Variants in CCZ1B observed in about 807,000 individuals in gnomAD.
The protein encoded by CCZ1B is vacuolar fusion protein CCZ1 homolog B.
Under a neutral mutation model 58.8 loss-of-function variants are expected in CCZ1B, and 25 were observed. That is an observed-to-expected ratio of 0.43 (90% CI 0.31 to 0.59). The LOEUF is 0.59. Ranked by LOEUF, CCZ1B falls within the 20% of genes least tolerant of loss-of-function variation. The pLI, the probability that CCZ1B is intolerant of heterozygous loss-of-function variation, is 0.12. For missense variants in CCZ1B, 180 were observed against 501.5 expected, an observed-to-expected ratio of 0.36 and a Z score of 6.12; for synonymous variants, 66 against 173.2, an observed-to-expected ratio of 0.38 and a Z score of 4.86.
intron 7 of CCZ1B, among the ~76,000 whole-genome samples, chr7:6,815,151 A>AT (rs201412009): frequency 1.4e-5 from 2 of 143,792 alleles, no homozygotes; most frequent in Admixed American, 1.5e-4. Context: ...CTCATTTTTT[A>AT]TTAAAAAAAA....
At chr7:6,804,070 A>G (rs1248300881) in intron 12 of CCZ1B, among the ~76,000 whole-genome samples, 2 of 150,838 alleles carry the variant, frequency 1.3e-5, no homozygotes, top group East Asian at 3.9e-4. Flanking sequence ...CAGGACTTCA[A>G]CTTCGCAAAG....
At chr7:6,811,367 G>C (rs1173148411) in intron 10 of CCZ1B, among the ~76,000 whole-genome samples, 3 of 142,528 alleles carry the variant, frequency 2.1e-5, no homozygotes, top group African/African-American at 8.2e-5. Context: ...GACACATCCC[G>C]CTCCTTCCTG....
At chr7:6,818,441 T>C (rs1783041975) in intron 7 of CCZ1B, among the ~76,000 whole-genome samples, 2 of 148,448 alleles carry the variant, frequency 1.3e-5, no homozygotes, top group African/African-American at 5.1e-5. Context: ...CCCAGCTACC[T>C]GGGAGGCTGA....
At chr7:6,824,983 TAAGAAG>T (rs3216989) in intron 1 of CCZ1B, among the ~76,000 whole-genome samples, 1 of 149,338 alleles carries the variant, frequency 6.7e-6, no homozygotes, top group Non-Finnish European at 1.5e-5. Flanking sequence ...TTATTTAAAA[TAAGAAG>T]AAGAACAGGA....
Position 6,817,871 on chromosome 7 carries a change from G to GTAC in CCZ1B, c.698+1892_698+1894dup, listed in dbSNP as rs552756772. On this transcript the variant is annotated intron_variant, in intron 7 of 14. Transcript: ENST00000316731. ...CTACAAAAATTAGCTGGGTGTTGTG[G>GTAC]TACTCACCTGTAATCCCAGCTACTC... Among the ~76,000 whole-genome samples the GTAC allele has an allele frequency of 2.3e-4, 34 of 148,990 alleles. 1 individual carries two copies. In the East Asian group the frequency reaches 5.8e-3, roughly 26 times the overall value.
rs1193352713 is a variant in CCZ1B, at chr7:6,815,153, TA to T, written c.699-309del. On this transcript the variant is annotated intron_variant, in intron 7 of 14. Coordinates refer to ENST00000316731, the MANE Select transcript of CCZ1B (RefSeq NM_198097.5). ...GCCCTGGATAAAGCTCATTTTTTAT[TA>T]AAAAAAAATTTTTTTTTCTTTTTTT... is the stretch of plus-strand genomic sequence containing the variant. Among the ~76,000 whole-genome samples, 9 of 141,280 alleles carry T rather than the reference TA, an allele frequency of 6.4e-5. 1 individual carries two copies. The highest frequency in any genetic ancestry group is 1.5e-4 in the Admixed American group (2 of 13,194). The allele number at this position is 141,280 out of a possible 152,430, so 92.7% of individuals were successfully genotyped here. A position where few individuals can be genotyped will look rare whatever the true frequency, so the allele number is the denominator to read the frequency against.
Position 6,818,741 on chromosome 7 carries a change from G to A in CCZ1B, c.698+1025C>T, listed in dbSNP as rs1428230871. Among the ~76,000 whole-genome samples the A allele has an allele frequency of 4.0e-5, 5 of 124,866 alleles. 1 individual carries two copies. Among genetic ancestry groups the A allele is most frequent in the African/African-American group, 1.6e-4 (5 of 31,802 alleles). The allele number at this position is 124,866 out of a possible 152,430, so 81.9% of individuals were successfully genotyped here. ...AAAGAAAGAAAGAAAGAAAGAAAGA[G>A]GGCTCTAGTCAATGGGAACATAAAA... On this transcript the variant is annotated intron_variant, in intron 7 of 14. Coordinates refer to ENST00000316731, the MANE Select transcript of CCZ1B (RefSeq NM_198097.5).
intron 10 of CCZ1B, among the ~76,000 whole-genome samples, chr7:6,810,870 T>C (rs1341293950): frequency 6.7e-6 from 1 of 149,866 alleles, no homozygotes; most frequent in African/African-American, 2.5e-5. Context: ...TATTTAACAA[T>C]GAGGGAACCA....
At chr7:6,817,775 G>A (rs1583554766) in intron 7 of CCZ1B, among the ~76,000 whole-genome samples, 1 of 149,774 alleles carries the variant, frequency 6.7e-6, no homozygotes, top group South Asian at 2.1e-4. Flanking sequence ...AGCACTGGGA[G>A]GCCGAGGTGG....
intron 10 of CCZ1B, among the ~76,000 whole-genome samples, chr7:6,808,384 C>CAAAAAAAAAAAAAAAAAA (rs766038650): frequency 1.1e-5 from 1 of 94,610 alleles, no homozygotes; most frequent in Admixed American, 1.2e-4. Context: ...ACCAAAAAAC[C>CAAAAAAAAAAAAAAAAAA]AAAAAAAAAA....
intron 8 of CCZ1B, among the ~76,000 whole-genome samples, chr7:6,814,088 G>A (rs1583552745): frequency 1.3e-5 from 2 of 148,934 alleles, no homozygotes; most frequent in East Asian, 1.9e-4. Context: ...GGAAGTTGCA[G>A]TGAGCTGAGA....
At chr7:6,816,773 G>A (rs1262296003) in intron 7 of CCZ1B, among the ~76,000 whole-genome samples, 1 of 151,592 alleles carries the variant, frequency 6.6e-6, no homozygotes, top group Non-Finnish European at 1.5e-5. Context: ...CTTTTTCTTA[G>A]ACAGGGTCTT....
At chr7:6,816,878 T>C (rs866410941) in intron 7 of CCZ1B, among the ~76,000 whole-genome samples, 2 of 151,192 alleles carry the variant, frequency 1.3e-5, no homozygotes, top group South Asian at 2.1e-4. Flanking sequence ...TCAACCTCTG[T>C]AGTCTCTGTA....
chr7:6,821,222 G>A (rs1341468135), intron 6 of CCZ1B, among the ~76,000 whole-genome samples: 1 of 149,998 alleles, frequency 6.7e-6, no homozygotes, highest in Admixed American at 6.6e-5. Flanking sequence ...ATGTTGGCCA[G>A]GCTGGTCTCG....
chr7:6,820,209 T>G (rs1265343787), intron 6 of CCZ1B, among the ~76,000 whole-genome samples: 1 of 149,462 alleles, frequency 6.7e-6, no homozygotes, highest in Non-Finnish European at 1.5e-5. Context: ...GACAGAGTCT[T>G]GCTCTGTCAT....
At chr7:6,815,246 G>A (rs1468918868) in intron 7 of CCZ1B, among the ~76,000 whole-genome samples, 1 of 146,210 alleles carries the variant, frequency 6.8e-6, no homozygotes, top group African/African-American at 2.6e-5. Context: ...GCTCACTGCA[G>A]CCTTGGCCTC....
intron 10 of CCZ1B, among the ~76,000 whole-genome samples, chr7:6,807,591 AAG>A (rs202217387): frequency 0.018 from 2,755 of 150,910 alleles, no homozygotes; most frequent in African/African-American, 0.064. Flanking sequence ...CCAGGAATGA[AAG>A]AGGAGACATC....
chr7:6,815,153 T>TA (rs1193352713), intron 7 of CCZ1B, among the ~76,000 whole-genome samples: 4 of 141,290 alleles, frequency 2.8e-5, no homozygotes, highest in African/African-American at 1.1e-4. Flanking sequence ...CATTTTTTAT[T>TA]AAAAAAAAAT....
rs1327501549 is a variant in CCZ1B, at chr7:6,814,931, T to A, written c.699-86A>T. 33 of 1,095,924 alleles carry A rather than the reference T, an allele frequency of 3.0e-5. 2 individuals are homozygous for A. The highest frequency in any genetic ancestry group is 6.6e-5 in the South Asian group (3 of 45,200). 67.9% of individuals were successfully genotyped at this position (1,095,924 alleles called of 1,614,324 possible). On this transcript the variant is annotated intron_variant, in intron 7 of 14. Transcript: ENST00000316731. ...TGTGATAAAGCTCATTAAACAAAAA[T>A]TTTTTTTTCAAGTCATTTTTAGTAA...
Sources: gnomAD v4.1 joint callset for allele counts (sites outside exome capture counted in the v4.1 genomes callset) on GRCh38, gnomAD v4.1.1 for gene constraint, MANE v1.5 for transcripts, NCBI Gene and HGNC (gene_info 2026-07-23, HGNC 2026-07-21) for gene names.